The following LGR4 variants were observed in gnomAD, a reference collection of about 807,000 sequenced individuals.
LGR4 encodes the protein leucine-rich repeat-containing G protein-coupled receptor 4.
In LGR4, 44 loss-of-function variants were observed where a neutral mutation model predicts 84.8. That is an observed-to-expected ratio of 0.52 (90% CI 0.41 to 0.67). The LOEUF is 0.67. Among genes scored for constraint, LGR4 ranks in the 30% least tolerant of loss-of-function variants. The pLI is 0.00. For synonymous variants in LGR4, 429 were observed against 434.3 expected, an observed-to-expected ratio of 0.99 and a Z score of 0.15; for missense variants, 1,032 against 1,131.4, an observed-to-expected ratio of 0.91 and a Z score of 1.26.
At chr11:27,408,561 T>G (rs754519497) in intron 2 of LGR4, among the ~76,000 whole-genome samples, 4 of 152,114 alleles carry the variant, frequency 2.6e-5, no homozygotes, top group Non-Finnish European at 5.9e-5. Flanking sequence ...CAGCTCCAAA[T>G]TTCAGCCATC....
chr11:27,421,526 G>A lies in LGR4; in HGVS notation c.186-8666C>T, dbSNP rs540088034. ...AGACATTTAAGGGTGTGTTCTTCAA[G>A]GGGAAGCTAACACTAGAAGGTAGAA... On this transcript the variant is annotated intron_variant, in intron 1 of 17. Transcript: ENST00000379214. Among the ~76,000 whole-genome samples the A allele has an allele frequency of 2.0e-4, 30 of 152,272 alleles. 1 individual carries two copies. The South Asian group carries it at 6.0e-3, about 30-fold the overall frequency.
At chr11:27,373,731 C>T in intron 14 of LGR4, 55 bp from the exon 15 acceptor site, 1 of 1,429,582 alleles carries the variant, frequency 7.0e-7, no homozygotes, top group Non-Finnish European at 9.5e-7. Context: ...CACATAAAAA[C>T]ATCTGTACAC....
intron 4 of LGR4, among the ~76,000 whole-genome samples, chr11:27,390,521 G>C (rs1000143001): frequency 6.6e-6 from 1 of 152,044 alleles, no homozygotes; most frequent in Non-Finnish European, 1.5e-5. Flanking sequence ...TGCAAAGTGT[G>C]GTCAAAGTAC....
intron 1 of LGR4, among the ~76,000 whole-genome samples, chr11:27,462,672 A>G (rs1864703420): frequency 6.6e-6 from 1 of 152,104 alleles, no homozygotes; most frequent in South Asian, 2.1e-4. Context: ...CTCCCACAAG[A>G]AATGACAAAT....
chr11:27,431,419 C>G (rs1864114752), intron 1 of LGR4, among the ~76,000 whole-genome samples: 1 of 152,174 alleles, frequency 6.6e-6, no homozygotes, highest in Admixed American at 6.5e-5. Flanking sequence ...GGACAAAGAG[C>G]TAGTCTACCT....
chr11:27,467,552 G>A (rs529271265), intron 1 of LGR4, among the ~76,000 whole-genome samples: 21 of 134,828 alleles, frequency 1.6e-4, no homozygotes, highest in South Asian at 9.6e-4. Context: ...GGGCAACAGC[G>A]CAAGAGTCCG....
At chr11:27,471,858 G>C in intron 1 of LGR4, 1 of 307,374 alleles carries the variant, frequency 3.3e-6, no homozygotes, top group Non-Finnish European at 5.9e-6. Flanking sequence ...GCGCGGTGGG[G>C]TGGGAGGGTG....
chr11:27,393,352 G>A (rs929601501), intron 2 of LGR4, among the ~76,000 whole-genome samples: 3 of 152,048 alleles, frequency 2.0e-5, no homozygotes, highest in South Asian at 2.1e-4. Context: ...AATGATGATT[G>A]TGTGTTCATA....
intron 4 of LGR4, among the ~76,000 whole-genome samples, chr11:27,388,462 C>A (rs530409658): frequency 3.9e-5 from 6 of 152,246 alleles, no homozygotes; most frequent in Admixed American, 1.3e-4. Context: ...TATTTAAACT[C>A]CATGTGGTAA....
rs2133368723 is a variant in LGR4 at position 27,380,338 on chromosome 11, C to G, written c.904G>C (p.Val302Leu). ...TGCACCATGCTTGCACCACGAATGA[C>G]TCTTTATGAAATTGAGAAAGACAAG... is the stretch of plus-strand genomic sequence containing the variant. ...FHNLSDLHSL[V>L]IRGASMVQQF... The change falls in exon 10 of 18, where the codon GTC (valine) becomes CTC (leucine). Residue 302 changes from valine to leucine, a missense_variant and splice_region_variant. Physicochemically the swap from Val to Leu is conservative, Grantham distance 32. Transcript: ENST00000379214. The G allele has an allele frequency of 5.0e-6, 8 of 1,604,956 alleles. No individual in the cohort carries two copies. The highest frequency in any genetic ancestry group is 6.0e-6 in the Non-Finnish European group (7 of 1,175,308).
chr11:27,385,212 A>G (rs1233257905), intron 5 of LGR4, 41 bp downstream of exon 5: 4 of 1,365,426 alleles, frequency 2.9e-6, no homozygotes, highest in South Asian at 3.1e-5. Flanking sequence ...TTGTACCCCA[A>G]TTAACACAAA....
chr11:27,420,972 G>C (rs1384742233), intron 1 of LGR4, among the ~76,000 whole-genome samples: 3 of 152,116 alleles, frequency 2.0e-5, no homozygotes, highest in Non-Finnish European at 4.4e-5. Context: ...AAGCTACCAA[G>C]ACAAGCAAAA....
chr11:27,374,049 G>A lies in LGR4; in HGVS notation c.1182-3C>T, dbSNP rs1181645368. 2.5e-6 allele frequency: 4 copies of A among 1,594,560 alleles called. No individual in the cohort carries two copies. The highest frequency in any genetic ancestry group is 1.7e-5 in the Admixed American group (1 of 59,986). The stretch of plus-strand genomic sequence containing the variant: ...GTATCAGGTTTCTACTCAGATCTCT[G>A]CAATTATAAGAGTAACATGTTAATC... On this transcript the variant is annotated splice_region_variant and splice_polypyrimidine_tract_variant and intron_variant, in intron 13 of 17. Transcript: ENST00000379214.
rs762281993 is a variant in LGR4, at chr11:27,372,290, C to T, written c.1488G>A (p.Gln496=). ...TGAAACTCATGCACTTGCCTTTCTC[C>T]TGTGCCACACTGTGGTCCTGGAGGC... is the stretch of plus-strand genomic sequence containing the variant. ...DNSLQDHSVA[Q]EKGTADAANV... The change falls in exon 16 of 18, where the codon CAG becomes CAA. Residue 496 remains glutamine (Q), a synonymous_variant. Coordinates refer to ENST00000379214, the MANE Select transcript of LGR4 (RefSeq NM_018490.5). 6.2e-7 allele frequency: 1 copy of T among 1,601,432 alleles called. No homozygotes were observed. The highest frequency in any genetic ancestry group is 8.6e-7 in the Non-Finnish European group (1 of 1,168,744).
At chr11:27,380,006 T>C (rs1863060259) in intron 10 of LGR4, among the ~76,000 whole-genome samples, 1 of 152,172 alleles carries the variant, frequency 6.6e-6, no homozygotes, top group Non-Finnish European at 1.5e-5. Context: ...ACTTCTAAAT[T>C]CTGAAAGCAC....
At chr11:27,379,231 C>T (rs975854053) in intron 10 of LGR4, 28 of 162,342 alleles carry the variant, frequency 1.7e-4, no homozygotes, top group Non-Finnish European at 2.6e-5. Flanking sequence ...TTATTTCTTC[C>T]TCTGTTGTGT....
At chr11:27,400,027 G>A (rs542919816) in intron 2 of LGR4, among the ~76,000 whole-genome samples, 33 of 152,116 alleles carry the variant, frequency 2.2e-4, no homozygotes, top group South Asian at 1.5e-3. Context: ...TCTCATTTTC[G>A]TCATCCTATT....
rs1863164974 is a variant in LGR4 at position 27,385,305 on chromosome 11, T to A, written c.565A>T (p.Ile189Phe). 3 of 1,604,858 alleles carry A rather than the reference T, an allele frequency of 1.9e-6. No individual in the cohort carries two copies. Among genetic ancestry groups the A allele is most frequent in the African/African-American group, 1.3e-5 (1 of 74,784 alleles). The change falls in exon 5 of 18, where the codon ATC becomes TTC. Residue 189 changes from isoleucine to phenylalanine, a missense_variant. Coordinates refer to ENST00000379214, the MANE Select transcript of LGR4 (RefSeq NM_018490.5). ...AATGCAAAGTCAGGGATGCTTGAGA[T>A]CTTGTTGAGAGCCAGGGTCAGCGCC... is the stretch of plus-strand genomic sequence containing the variant. ...LQALTLALNK[I>F]SSIPDFAFTN...
intron 2 of LGR4, among the ~76,000 whole-genome samples, chr11:27,406,344 T>C (rs1863608728): frequency 6.6e-6 from 1 of 152,108 alleles, no homozygotes; most frequent in Non-Finnish European, 1.5e-5. Context: ...GTCTAGCAAG[T>C]CCTTCCTCAC....
Sources: gnomAD v4.1 joint callset for allele counts (sites outside exome capture counted in the v4.1 genomes callset) on GRCh38, gnomAD v4.1.1 for gene constraint, MANE v1.5 for transcripts, NCBI Gene and HGNC (gene_info 2026-07-23, HGNC 2026-07-21) for gene names.